The following C10orf67 variants were observed in gnomAD, a reference collection of about 807,000 sequenced individuals.
C10orf67 encodes chromosome 10 open reading frame 67, also known as uncharacterized protein C10orf67, mitochondrial.
A neutral mutation model predicts 35.6 loss-of-function variants in C10orf67; 60 were observed. The observed-to-expected ratio is 1.68, with a 90% CI of 1.37 to 2.09. The LOEUF (loss-of-function observed/expected upper bound fraction) is 2.09, where lower values mean the gene tolerates loss of function less well. Ranked by LOEUF, C10orf67 falls within the 30% of genes most tolerant of loss-of-function variation. C10orf67 has a pLI of 0.00. For synonymous variants in C10orf67, 167 were observed against 115.8 expected (o/e 1.44, Z -2.84); for missense variants, 474 against 330.2 (o/e 1.44, Z -3.38).
intron 5 of C10orf67, among the ~76,000 whole-genome samples, chr10:23,300,274 C>T (rs372707468): frequency 2.0e-5 from 3 of 152,096 alleles, no homozygotes; most frequent in African/African-American, 4.8e-5. Flanking sequence ...CCTTATAGAC[C>T]GCACTGGAAG....
At chr10:23,267,006 A>C (rs1340187526) in intron 9 of C10orf67, among the ~76,000 whole-genome samples, 189 bp downstream of exon 9, 1 of 152,070 alleles carries the variant, frequency 6.6e-6, no homozygotes, top group Non-Finnish European at 1.5e-5. Context: ...CGGCCTCCTA[A>C]AGTACTAGGA....
chr10:23,248,742 T>C (rs1317981817), intron 12 of C10orf67, among the ~76,000 whole-genome samples: 1 of 152,198 alleles, frequency 6.6e-6, no homozygotes, highest in Non-Finnish European at 1.5e-5. Context: ...ATTGAATTAA[T>C]ATCTGGAGCT....
intron 12 of C10orf67, among the ~76,000 whole-genome samples, chr10:23,243,387 A>C (rs536259658): frequency 6.6e-6 from 1 of 152,248 alleles, no homozygotes; most frequent in Non-Finnish European, 1.5e-5. Flanking sequence ...ATCAGTGATA[A>C]AATTTTTCAT....
At chr10:23,230,439 C>G (rs989124693) in intron 13 of C10orf67, among the ~76,000 whole-genome samples, 2 of 151,462 alleles carry the variant, frequency 1.3e-5, no homozygotes, top group African/African-American at 4.9e-5. Flanking sequence ...AATGTAAAGA[C>G]AAAAAGGAAA....
At chr10:23,296,582 G>T (rs1203365269) in intron 5 of C10orf67, among the ~76,000 whole-genome samples, 1 of 152,136 alleles carries the variant, frequency 6.6e-6, no homozygotes, top group Non-Finnish European at 1.5e-5. Flanking sequence ...GCTGATGACC[G>T]CTCTAATTGC....
intron 1 of C10orf67, among the ~76,000 whole-genome samples, chr10:23,334,297 G>C (rs1476026083): frequency 1.3e-5 from 2 of 152,178 alleles, no homozygotes; most frequent in African/African-American, 2.4e-5. Flanking sequence ...GATTTCTAAG[G>C]ATAGGCATCT....
intron 15 of C10orf67, among the ~76,000 whole-genome samples, chr10:23,218,349 T>C (rs1470553879): frequency 4.3e-5 from 6 of 140,472 alleles, no homozygotes; most frequent in Non-Finnish European, 9.0e-5. Context: ...GGCTTCCCCA[T>C]GTTGCTCAGG....
rs2036917 is a variant in C10orf67, at chr10:23,344,637, C to A, written c.138G>T (p.Arg46=). Residue 46 remains arginine (R), a synonymous_variant, in exon 1 of 16, where the codon CGG becomes CGT. Transcript: ENST00000636213. ...EAMKAKATEL[R]VCCARRKREA... is the part of the protein sequence containing the mutation. ...CTCGCTTCCTACGCGCGCAGCAGAC[C>A]CGCAGCTCGGTGGCCTTGGCTTTCA... 801,651 of 1,580,412 alleles carry A rather than the reference C, an allele frequency of 0.51. 209,924 individuals are homozygous for A. Among genetic ancestry groups the A allele is most frequent in the East Asian group, 0.82 (35,356 of 42,970 alleles).
rs137983793 is a variant in C10orf67, at chr10:23,323,894, AATATATATATATATATAT to A, written c.328-1375_328-1358del. On this transcript the variant is annotated intron_variant, in intron 2 of 15. Coordinates refer to ENST00000636213, the MANE Select transcript of C10orf67 (RefSeq NM_001371909.1). ...GGGCAGCAGAGCAAGACTCCGTCTA[AATATATATATATATATAT>A]ATATATATATATATATATATATATA... Among the ~76,000 whole-genome samples the A allele has an allele frequency of 5.2e-3, 224 of 42,798 alleles. 14 individuals carry two copies. Among genetic ancestry groups the A allele is most frequent in the Middle Eastern group, 0.01 (1 of 100 alleles). 28.1% of individuals were successfully genotyped at this position (42,798 alleles called of 152,430 possible).
chr10:23,290,471 A>G (rs911316337), intron 6 of C10orf67, among the ~76,000 whole-genome samples: 4 of 152,244 alleles, frequency 2.6e-5, no homozygotes, highest in Admixed American at 1.3e-4. Context: ...TAAGGACAAC[A>G]TCATGTAATT....
At chr10:23,321,008 G>T (rs1588692251) in intron 3 of C10orf67, among the ~76,000 whole-genome samples, 193 bp from the exon 4 acceptor site, 1 of 152,252 alleles carries the variant, frequency 6.6e-6, no homozygotes, top group East Asian at 1.9e-4. Context: ...TCAACCAAAA[G>T]CAATAGAGAG....
chr10:23,313,681 A>G (rs1844580494), intron 4 of C10orf67, among the ~76,000 whole-genome samples: 1 of 152,206 alleles, frequency 6.6e-6, no homozygotes, highest in South Asian at 2.1e-4. Flanking sequence ...GAGGTGGTTA[A>G]TAACTTGAGG....
chr10:23,231,275 G>T (rs1841908965), intron 13 of C10orf67, among the ~76,000 whole-genome samples: 1 of 152,150 alleles, frequency 6.6e-6, no homozygotes, highest in African/African-American at 2.4e-5. Context: ...TCAGACCTGT[G>T]GGACACAAGT....
intron 7 of C10orf67, among the ~76,000 whole-genome samples, chr10:23,282,606 G>A (rs568918785): frequency 1.3e-5 from 2 of 152,134 alleles, no homozygotes; most frequent in Non-Finnish European, 2.9e-5. Context: ...TGAGGCGGGT[G>A]GATCACCTGA....
At chr10:23,338,384 C>T (rs1357151698) in intron 1 of C10orf67, among the ~76,000 whole-genome samples, 2 of 152,158 alleles carry the variant, frequency 1.3e-5, no homozygotes, top group Non-Finnish European at 2.9e-5. Flanking sequence ...GAGCTCCCAA[C>T]GTGGCAGCAT....
At chr10:23,214,154 C>T (rs1247397610) in intron 15 of C10orf67, among the ~76,000 whole-genome samples, 1 of 151,828 alleles carries the variant, frequency 6.6e-6, no homozygotes, top group Non-Finnish European at 1.5e-5. Context: ...TTTAACATAG[C>T]TTTAAAATGT....
intron 13 of C10orf67, among the ~76,000 whole-genome samples, chr10:23,237,193 GT>G (rs1346326604): frequency 1.3e-5 from 2 of 152,160 alleles, no homozygotes; most frequent in African/African-American, 4.8e-5. Context: ...CTCCATTCAT[GT>G]TGCTGCAAAG....
At chr10:23,265,228 C>A (rs768313271) in intron 10 of C10orf67, among the ~76,000 whole-genome samples, 1 of 152,224 alleles carries the variant, frequency 6.6e-6, no homozygotes, top group Non-Finnish European at 1.5e-5. Flanking sequence ...TTGCTCCCTC[C>A]CGCTCTGTGG....
At chr10:23,216,642 G>A (rs1264928852) in intron 15 of C10orf67, among the ~76,000 whole-genome samples, 1 of 151,794 alleles carries the variant, frequency 6.6e-6, no homozygotes, top group Non-Finnish European at 1.5e-5. Context: ...CTATACAGCA[G>A]GTAAAATAAA....
Sources: gnomAD v4.1 joint callset for allele counts (sites outside exome capture counted in the v4.1 genomes callset) on GRCh38, gnomAD v4.1.1 for gene constraint, MANE v1.5 for transcripts, NCBI Gene and HGNC (gene_info 2026-07-23, HGNC 2026-07-21) for gene names.